RELN: variants seen among roughly 807,000 people sequenced by gnomAD.
RELN encodes reelin.
A neutral mutation model predicts 427.6 loss-of-function variants in RELN; 108 were observed. That is an observed-to-expected ratio of 0.25 (90% CI 0.22 to 0.30). The LOEUF is 0.30. Among genes scored for constraint, RELN ranks in the 10% least tolerant of loss-of-function variants. The pLI, the probability that RELN is intolerant of heterozygous loss-of-function variation, is 1.00. For missense variants in RELN, 3,715 were observed against 4,302.8 expected (o/e 0.86, Z 3.82); for synonymous variants, 1,524 against 1,513.4 (o/e 1.01, Z -0.16).
At chr7:103,680,971 C>T (rs1833640556) in intron 11 of RELN, among the ~76,000 whole-genome samples, 1 of 152,112 alleles carries the variant, frequency 6.6e-6, no homozygotes, top group Admixed American at 6.6e-5. Flanking sequence ...AGCCACTTCC[C>T]TGAGGCAGGG....
chr7:103,953,896 C>T lies in RELN; in HGVS notation c.226+35235G>A, dbSNP rs978852754. Among the ~76,000 whole-genome samples, 2 of 152,072 alleles carry T rather than the reference C, an allele frequency of 1.3e-5. No individual in the cohort carries two copies. The highest frequency in any genetic ancestry group is 1.5e-5 in the Non-Finnish European group (1 of 68,004). On this transcript the variant is annotated intron_variant, in intron 1 of 64. Transcript: ENST00000428762. The surrounding 1 kb of genome is among the most constrained non-coding windows in gnomAD (Gnocchi z 4.3). The stretch of plus-strand genomic sequence containing the variant: ...GCAATGAGTCAAGACCGTGCCACTA[C>T]ATGCCAGGCTGTGCGGCAGAGCAAG...
At chr7:103,599,741 T>C (rs1220168432) in intron 24 of RELN, among the ~76,000 whole-genome samples, 1 of 152,134 alleles carries the variant, frequency 6.6e-6, no homozygotes, top group Admixed American at 6.5e-5. Flanking sequence ...TGGTAGGCAG[T>C]GGCAAAAACT....
At chr7:103,970,778 A>G (rs1796747300) in intron 1 of RELN, among the ~76,000 whole-genome samples, 1 of 152,226 alleles carries the variant, frequency 6.6e-6, no homozygotes, top group African/African-American at 2.4e-5. Context: ...CTCCAGGAAC[A>G]GTGGTTCTGT....
At chr7:103,915,744 T>A (rs1296262459) in intron 2 of RELN, among the ~76,000 whole-genome samples, 2 of 152,186 alleles carry the variant, frequency 1.3e-5, no homozygotes, top group East Asian at 1.9e-4. Flanking sequence ...ACTAAAAAAA[T>A]TTTGTTTACC....
intron 6 of RELN, among the ~76,000 whole-genome samples, chr7:103,735,813 A>G (rs1028755081): frequency 1.3e-5 from 2 of 152,142 alleles, no homozygotes; most frequent in Non-Finnish European, 2.9e-5. Flanking sequence ...ATGTATTGCC[A>G]CTGAAGGAGT....
chr7:103,962,033 C>G (rs963335827), intron 1 of RELN, among the ~76,000 whole-genome samples: 19 of 152,124 alleles, frequency 1.2e-4, no homozygotes, highest in African/African-American at 4.6e-4. Flanking sequence ...TTCTGAAAGA[C>G]TGTATTTCTT....
At chr7:103,531,982 G>A (rs1043969238) in intron 46 of RELN, among the ~76,000 whole-genome samples, 3 of 151,998 alleles carry the variant, frequency 2.0e-5, no homozygotes, top group African/African-American at 4.8e-5. Flanking sequence ...TTCTATTATT[G>A]ATACACACAT....
intron 41 of RELN, among the ~76,000 whole-genome samples, chr7:103,546,897 C>T (rs967948207): frequency 6.6e-6 from 1 of 152,122 alleles, no homozygotes; most frequent in Non-Finnish European, 1.5e-5. Flanking sequence ...TTTTTAGATT[C>T]TCTTATTTCT....
chr7:103,718,581 C>T (rs1249658928), intron 8 of RELN, among the ~76,000 whole-genome samples: 3 of 152,042 alleles, frequency 2.0e-5, no homozygotes, highest in Non-Finnish European at 4.4e-5. Flanking sequence ...TGACTGTGGT[C>T]CTCAGATCAC....
At chr7:103,703,789 G>A (rs1046771581) in intron 8 of RELN, among the ~76,000 whole-genome samples, 2 of 152,116 alleles carry the variant, frequency 1.3e-5, no homozygotes, top group African/African-American at 2.4e-5. Context: ...AAGGAGGAAA[G>A]GTAATGGAGA....
At chr7:103,882,009 A>T (rs938198227) in intron 2 of RELN, among the ~76,000 whole-genome samples, 7 of 152,208 alleles carry the variant, frequency 4.6e-5, no homozygotes, top group Admixed American at 4.6e-4. Flanking sequence ...TCAAACAACC[A>T]ACGAATCAAC....
At chr7:103,883,119 G>A (rs1440168519) in intron 2 of RELN, among the ~76,000 whole-genome samples, 3 of 152,114 alleles carry the variant, frequency 2.0e-5, no homozygotes, top group Non-Finnish European at 4.4e-5. Flanking sequence ...ATGGGACGCA[G>A]GGCTGGTTCA....
chr7:103,480,778 G>C (rs1828205249), intron 63 of RELN, among the ~76,000 whole-genome samples: 1 of 152,144 alleles, frequency 6.6e-6, no homozygotes, highest in African/African-American at 2.4e-5. Flanking sequence ...ATTCCTGAAA[G>C]AAGACTTGGA....
At position 103,496,677 on chromosome 7, in the gene RELN, G is replaced by A. The variant is rs976203902; in HGVS notation, c.9042C>T (p.Thr3014=). 6.2e-6 allele frequency: 10 copies of A among 1,614,034 alleles called. No individual in the cohort carries two copies. The highest frequency in any genetic ancestry group is 8.5e-6 in the Non-Finnish European group (10 of 1,180,028). The part of the protein sequence containing the change: ...DYILLPEDAL[T]NTTRLRWWQP... ...GCCACCAGCGAAGTCGAGTTGTGTT[G>A]GTGAGGGCATCTTCAGGAAGAAGTA... Residue 3014 remains threonine (T), a synonymous_variant, in exon 56 of 65, where the codon ACC becomes ACT. Coordinates refer to ENST00000428762, the MANE Select transcript of RELN (RefSeq NM_005045.4).
In RELN at chr7:103,574,292, T is replaced by A. The variant is rs770565114; in HGVS notation, c.4311A>T (p.Gln1437His). 5 of 1,613,868 alleles carry A rather than the reference T, an allele frequency of 3.1e-6. No homozygotes were observed. The South Asian group carries it at 3.3e-5, about 11-fold the overall frequency. ...TGGGGACATTTGACACACAGGTTCC[T>A]TGTGCAGCTTCAGAAAAAGAAATAG... is the stretch of plus-strand genomic sequence containing the variant. ...CFCDLGYTAA[Q>H]GTCVSNVPNH... is the part of the protein sequence containing the mutation. Residue 1437 changes from glutamine (Q) to histidine (H), a missense_variant, in exon 30 of 65, where the codon CAA becomes CAT. Physicochemically the swap from Gln to His is conservative, Grantham distance 24 (BLOSUM62 0). Transcript: ENST00000428762.
rs77535199 is a variant in RELN at position 103,687,459 on chromosome 7, G to A, written c.1144-5198C>T. Among the ~76,000 whole-genome samples, 30 of 152,262 alleles carry A rather than the reference G, an allele frequency of 2.0e-4. No individual in the cohort carries two copies. In the East Asian group the frequency reaches 5.8e-3, roughly 29 times the overall value. ...TCTCCGAGCCTCTGTTTTTTCATCTGTGAAATGGGGATAATTGTGAGCATT... is the reference window on the plus strand; with the variant it reads ...TCTCCGAGCCTCTGTTTTTTCATCTATGAAATGGGGATAATTGTGAGCATT... On this transcript the variant is annotated intron_variant, in intron 10 of 64. Transcript: ENST00000428762.
At chr7:103,676,747 G>A (rs1044554741) in intron 11 of RELN, among the ~76,000 whole-genome samples, 6 of 151,902 alleles carry the variant, frequency 3.9e-5, no homozygotes, top group Non-Finnish European at 7.4e-5. Context: ...TAGGGACACG[G>A]ATGAAACTGG....
At chr7:103,887,964 A>G in intron 2 of RELN, among the ~76,000 whole-genome samples, 1 of 152,020 alleles carries the variant, frequency 6.6e-6, no homozygotes, top group East Asian at 1.9e-4. Flanking sequence ...TCCAGGGAAA[A>G]CCCTTGGTGA....
At chr7:103,827,644 CAG>C (rs1793175394) in intron 3 of RELN, among the ~76,000 whole-genome samples, 1 of 151,894 alleles carries the variant, frequency 6.6e-6, no homozygotes, top group Non-Finnish European at 1.5e-5. Flanking sequence ...TGATGAAAAA[CAG>C]GGGCTTATGG....
Sources: gnomAD v4.1 joint callset for allele counts (sites outside exome capture counted in the v4.1 genomes callset) on GRCh38, gnomAD v4.1.1 for gene constraint, Gnocchi (gnomAD v3.1) non-coding constraint, MANE v1.5 for transcripts, NCBI Gene and HGNC (gene_info 2026-07-23, HGNC 2026-07-21) for gene names.